SPOCK3: variants seen among roughly 807,000 people sequenced by gnomAD.
The protein encoded by SPOCK3 is testican-3.
In SPOCK3, 30 loss-of-function variants were observed where a neutral mutation model predicts 56.6. The ratio of observed to expected loss-of-function variants is 0.53; its 90% CI spans 0.40 to 0.72. The LOEUF (loss-of-function observed/expected upper bound fraction) is 0.72, where lower values mean the gene tolerates loss of function less well. Ranked by LOEUF, SPOCK3 falls within the 30% of genes least tolerant of loss-of-function variation. The probability of loss-of-function intolerance (pLI) is 0.00; values close to 1 mark genes in which losing one functional copy is unlikely to be tolerated. For synonymous variants in SPOCK3, 196 were observed against 183.3 expected, an observed-to-expected ratio of 1.07 and a Z score of -0.56; for missense variants, 527 against 530.0, an observed-to-expected ratio of 0.99 and a Z score of 0.06.
intron 6 of SPOCK3, among the ~76,000 whole-genome samples, chr4:166,879,843 G>A (rs2126976233): frequency 6.6e-6 from 1 of 152,230 alleles, no homozygotes. Context: ...TTTCCCCTGG[G>A]TACTGTCCCG....
chr4:167,215,375 A>G (rs2111059585), intron 2 of SPOCK3, among the ~76,000 whole-genome samples: 1 of 152,210 alleles, frequency 6.6e-6, no homozygotes, highest in Admixed American at 6.6e-5. Flanking sequence ...CACTGCTGAC[A>G]CCGCCTTTCA....
chr4:166,982,175 C>T (rs1028619583), intron 4 of SPOCK3, among the ~76,000 whole-genome samples: 1 of 152,158 alleles, frequency 6.6e-6, no homozygotes, highest in African/African-American at 2.4e-5. Flanking sequence ...AGCATGTGAC[C>T]CCAGCCATGC....
intron 6 of SPOCK3, among the ~76,000 whole-genome samples, chr4:166,795,300 A>G (rs999896792): frequency 1.3e-5 from 2 of 152,306 alleles, no homozygotes; most frequent in African/African-American, 2.4e-5. Flanking sequence ...TCAGTAATAT[A>G]TCTACACAGA....
intron 4 of SPOCK3, among the ~76,000 whole-genome samples, chr4:166,917,714 C>T (rs566436986): frequency 6.6e-6 from 1 of 152,062 alleles, no homozygotes; most frequent in Admixed American, 6.6e-5. Flanking sequence ...TTTCCTGCTC[C>T]TTCGTGAAGG....
intron 2 of SPOCK3, among the ~76,000 whole-genome samples, chr4:167,070,363 A>G (rs1046353277): frequency 5.3e-5 from 8 of 151,926 alleles, no homozygotes; most frequent in Non-Finnish European, 1.0e-4. Context: ...AATCAAAGCA[A>G]AGTTTAATAT....
intron 8 of SPOCK3, among the ~76,000 whole-genome samples, chr4:166,742,903 A>G (rs1735045674): frequency 6.6e-6 from 1 of 152,140 alleles, no homozygotes. Context: ...CTGCATTTAT[A>G]GATTCAACCA....
In SPOCK3 at chr4:166,928,041, T is replaced by C. The variant is rs527242663; in HGVS notation, c.351-15298A>G. ...AAACCATGGGATAGCACTATAAACTTATTAGAATGGCCAAAACTCAGAACG... is the reference window on the plus strand; with the variant it reads ...AAACCATGGGATAGCACTATAAACTCATTAGAATGGCCAAAACTCAGAACG... On this transcript the variant is annotated intron_variant, in intron 4 of 10. Transcript: ENST00000357545. Among the ~76,000 whole-genome samples, 12 of 152,280 alleles carry C rather than the reference T, an allele frequency of 7.9e-5. No individual in the cohort carries two copies. In the East Asian group the frequency reaches 1.5e-3, roughly 20 times the overall value.
intron 8 of SPOCK3, among the ~76,000 whole-genome samples, chr4:166,743,755 T>G (rs181894295): frequency 1.3e-5 from 2 of 152,310 alleles, no homozygotes; most frequent in Admixed American, 1.3e-4. Context: ...ACTCCTGCCC[T>G]GATATTGCAC....
At chr4:167,194,239 G>T (rs536405457) in intron 2 of SPOCK3, among the ~76,000 whole-genome samples, 1 of 139,528 alleles carries the variant, frequency 7.2e-6, no homozygotes, top group South Asian at 2.2e-4. Flanking sequence ...TTCAATTCTA[G>T]AATTTATGTT....
chr4:166,833,713 T>A (rs1746324150), intron 6 of SPOCK3, among the ~76,000 whole-genome samples: 1 of 152,212 alleles, frequency 6.6e-6, no homozygotes, highest in Non-Finnish European at 1.5e-5. Flanking sequence ...TCCTTTTTTC[T>A]CCACTAATGG....
intron 2 of SPOCK3, among the ~76,000 whole-genome samples, chr4:167,070,932 G>A (rs76421749): frequency 2.0e-5 from 3 of 151,912 alleles, no homozygotes; most frequent in Non-Finnish European, 2.9e-5. Context: ...TCCATGTTGT[G>A]TCTTAGAATC....
At chr4:166,991,640 G>A (rs1747803250) in intron 4 of SPOCK3, among the ~76,000 whole-genome samples, 1 of 152,016 alleles carries the variant, frequency 6.6e-6, no homozygotes, top group Non-Finnish European at 1.5e-5. Context: ...AAAGTGCTGG[G>A]ATTACAGGCA....
rs1747239017 is a variant in SPOCK3, at chr4:166,986,976, G to A, written c.350+13373C>T. On this transcript the variant is annotated intron_variant, in intron 4 of 10. Coordinates refer to ENST00000357545, the MANE Select transcript of SPOCK3 (RefSeq NM_001040159.2). The stretch of plus-strand genomic sequence containing the variant: ...AGTTACTGCCCTCACCCTCTGACTA[G>A]CTGGACCTAGAATTTAACTGTTGCT... 4.6e-5 allele frequency among the ~76,000 whole-genome samples: 7 copies of A among 152,240 alleles called. No individual in the cohort carries two copies. In the South Asian group the frequency reaches 1.4e-3, roughly 32 times the overall value.
intron 5 of SPOCK3, among the ~76,000 whole-genome samples, chr4:166,897,652 G>A (rs1384382097): frequency 6.6e-6 from 1 of 152,146 alleles, no homozygotes; most frequent in Non-Finnish European, 1.5e-5. Context: ...CTGGCCCAGG[G>A]TATCATGTCT....
intron 2 of SPOCK3, among the ~76,000 whole-genome samples, chr4:167,233,693 C>T (rs921749709): frequency 6.6e-6 from 1 of 152,124 alleles, no homozygotes; most frequent in African/African-American, 2.4e-5. Flanking sequence ...TTAGAGCCAG[C>T]ACTTTGTAAC....
chr4:167,177,258 C>T (rs949435247), intron 2 of SPOCK3, among the ~76,000 whole-genome samples: 5 of 151,934 alleles, frequency 3.3e-5, no homozygotes, highest in African/African-American at 1.2e-4. Flanking sequence ...GATCAAAAGG[C>T]CCAGGAAGAA....
chr4:167,038,656 T>C (rs1361666114), intron 3 of SPOCK3, among the ~76,000 whole-genome samples: 3 of 76,996 alleles, frequency 3.9e-5, no homozygotes, highest in Non-Finnish European at 7.7e-5. Flanking sequence ...GTTTTGTTTA[T>C]TTTTTCCAAA....
At chr4:166,893,491 A>G (rs1287983340) in intron 5 of SPOCK3, among the ~76,000 whole-genome samples, 3 of 152,120 alleles carry the variant, frequency 2.0e-5, no homozygotes, top group Non-Finnish European at 4.4e-5. Context: ...TGTGTTAAGC[A>G]GTTTAGATGT....
chr4:167,195,051 C>T (rs987061464), intron 2 of SPOCK3, among the ~76,000 whole-genome samples: 2 of 152,080 alleles, frequency 1.3e-5, no homozygotes, highest in Admixed American at 6.5e-5. Context: ...CATGGATGGG[C>T]GTGAGTCCTG....
Sources: gnomAD v4.1 joint callset for allele counts (sites outside exome capture counted in the v4.1 genomes callset) on GRCh38, gnomAD v4.1.1 for gene constraint, MANE v1.5 for transcripts, NCBI Gene and HGNC (gene_info 2026-07-23, HGNC 2026-07-21) for gene names.